Variants in TAF7L observed in about 807,000 individuals in gnomAD.
TAF7L encodes TATA-box binding protein associated factor 7 like.
TAF7L carries 6 observed loss-of-function variants against 30.2 expected under a neutral mutation model. The ratio of observed to expected loss-of-function variants is 0.20; its 90% CI spans 0.11 to 0.39. The LOEUF is 0.39. Among genes scored for constraint, TAF7L ranks in the 10% least tolerant of loss-of-function variants. The pLI is 1.00. For synonymous variants in TAF7L, 93 were observed against 94.5 expected (o/e 0.98, Z 0.09); for missense variants, 284 against 277.1 (o/e 1.03, Z -0.18).
At chrX:101,281,865 A>G (rs970880796) in intron 5 of TAF7L, 90 bp from the exon 6 acceptor site, 150 of 870,975 alleles carry the variant, frequency 1.7e-4, no homozygotes, top group Non-Finnish European at 2.3e-4. Context: ...GCTATAAACC[A>G]AAGGGTCATG....
At chrX:101,273,197 G>GTT (rs201051656) in intron 12 of TAF7L, among the ~76,000 whole-genome samples, 2,548 of 112,033 alleles carry the variant, frequency 0.023, 71 homozygotes, top group African/African-American at 0.079. Flanking sequence ...ACCATCCTCT[G>GTT]TTATTAGAGT....
At chrX:101,286,464 A>T (rs1262783284) in intron 3 of TAF7L, 111 bp downstream of exon 3, 6 of 513,094 alleles carry the variant, frequency 1.2e-5, no homozygotes, top group Non-Finnish European at 1.6e-5. Context: ...CAAGTCAGAG[A>T]CCATATTCTA....
rs1170067354 is a variant in TAF7L, at chrX:101,269,124, GCA to G, written c.*67_*68del. 4.0e-6 allele frequency: 4 copies of G among 1,006,527 alleles called. No individual in the cohort carries two copies. Among genetic ancestry groups the G allele is most frequent in the Middle Eastern group, 2.6e-4 (1 of 3,905 alleles). The allele number at this position is 1,006,527 out of a possible 1,213,427, so 82.9% of individuals were successfully genotyped here. A position where few individuals can be genotyped will look rare whatever the true frequency, so the allele number is the denominator to read the frequency against. ...AAGGCAACTGAAGGGACAAAAACGT[GCA>G]CAGTTTCATCCAATCTGCAGTCTGG... On this transcript the variant is annotated 3_prime_UTR_variant, in exon 13 of 13. Coordinates refer to ENST00000356784, the MANE Select transcript of TAF7L (RefSeq NM_001168474.2).
intron 1 of TAF7L, among the ~76,000 whole-genome samples, chrX:101,289,225 A>C (rs977739915): frequency 2.7e-5 from 3 of 111,837 alleles, no homozygotes; most frequent in Non-Finnish European, 5.6e-5. Flanking sequence ...CAAATGACAG[A>C]ATTTCCTTCT....
intron 1 of TAF7L, among the ~76,000 whole-genome samples, chrX:101,288,173 G>A (rs1422759400): frequency 1.9e-5 from 2 of 105,254 alleles, no homozygotes; most frequent in East Asian, 3.0e-4. Flanking sequence ...ACAGAGTCTC[G>A]CTCTGTCGCC....
At chrX:101,269,737 A>T in intron 12 of TAF7L, among the ~76,000 whole-genome samples, 1 of 111,020 alleles carries the variant, frequency 9.0e-6, no homozygotes, top group East Asian at 2.8e-4. Context: ...TGATTCAATT[A>T]CCTCCCACCA....
intron 6 of TAF7L, among the ~76,000 whole-genome samples, chrX:101,280,669 C>G (rs775954502): frequency 1.2e-4 from 13 of 112,015 alleles, no homozygotes; most frequent in African/African-American, 3.9e-4. Flanking sequence ...CACACAAAAA[C>G]CTGTTCACAG....
chrX:101,292,630 G>A (rs948262353), upstream of TAF7L, among the ~76,000 whole-genome samples: 1 of 109,736 alleles, frequency 9.1e-6, no homozygotes, highest in Non-Finnish European at 1.9e-5. Context: ...CTCCTCAACA[G>A]AGTCAACATT....
intron 2 of TAF7L, among the ~76,000 whole-genome samples, chrX:101,286,884 C>T (rs1924623342): frequency 8.9e-6 from 1 of 112,121 alleles, no homozygotes; most frequent in South Asian, 3.7e-4. Flanking sequence ...TTTCTCCTAG[C>T]TCTACAATCC....
Position 101,283,559 on chromosome X carries a change from T to A in TAF7L, c.170A>T (p.Glu57Val). 1 of 1,211,505 alleles carries A rather than the reference T, an allele frequency of 8.3e-7. No homozygotes were observed. Among genetic ancestry groups the A allele is most frequent in the Non-Finnish European group, 1.1e-6 (1 of 895,370 alleles). Reference protein sequence around the residue: ...LLPDGRHAVVEVEDVPLAAKL... With the variant: ...LLPDGRHAVVVVEDVPLAAKL... ...AGCAGCTAGTGGGACATCTTCTACT[T>A]CAACAACTGCATGGCGCCCATCAGC... The change falls in exon 4 of 13, where the codon GAA becomes GTA. Residue 57 changes from glutamate (E) to valine (V), a missense_variant. Physicochemically the swap from Glu to Val is moderately radical, Grantham distance 121 (BLOSUM62 -2). Transcript: ENST00000356784.
chrX:101,271,735 C>G (rs1243500797), intron 12 of TAF7L, among the ~76,000 whole-genome samples: 1 of 111,674 alleles, frequency 9.0e-6, no homozygotes, highest in Non-Finnish European at 1.9e-5. Context: ...ATGATGGCCA[C>G]AGTGTCACCA....
chrX:101,282,806 C>G (rs1487784969), intron 4 of TAF7L, among the ~76,000 whole-genome samples: 1 of 111,271 alleles, frequency 9.0e-6, no homozygotes, highest in Non-Finnish European at 1.9e-5. Context: ...CTCTGTCATA[C>G]AGGCTGGAGT....
upstream of TAF7L, chrX:101,292,832 G>A: frequency 3.3e-6 from 4 of 1,211,125 alleles, no homozygotes; most frequent in Non-Finnish European, 4.5e-6. Flanking sequence ...GCAGCAGCCT[G>A]GGCGCTGCTG....
chrX:101,282,853 C>T (rs1924461770), intron 4 of TAF7L, among the ~76,000 whole-genome samples: 1 of 111,135 alleles, frequency 9.0e-6, no homozygotes, highest in Non-Finnish European at 1.9e-5. Flanking sequence ...GCACCCTCGA[C>T]CTCCTGGGCT....
Position 101,276,417 on chromosome X carries a change from T to A in TAF7L, c.803A>T (p.Asp268Val). ...DEDEDEDEDE[D>V]KEEEEEDCSE... is the part of the protein sequence containing the mutation. ...ACAATCTTCCTCCTCCTCTTCTTTG[T>A]CTTCATCTTCATCCTCATCCTCATC... Residue 268 changes from aspartate (D) to valine (V), a missense_variant, in exon 10 of 13, where the codon GAC (aspartate) becomes GTC (valine). Physicochemically the swap from Asp to Val is radical, Grantham distance 152. Coordinates refer to ENST00000356784, the MANE Select transcript of TAF7L (RefSeq NM_001168474.2). 1 of 1,201,252 alleles carries A rather than the reference T, an allele frequency of 8.3e-7. No homozygotes were observed. Among genetic ancestry groups the A allele is most frequent in the Non-Finnish European group, 1.1e-6 (1 of 889,976 alleles).
intron 3 of TAF7L, among the ~76,000 whole-genome samples, chrX:101,285,947 C>A (rs1415102061): frequency 2.7e-5 from 3 of 111,263 alleles, no homozygotes; most frequent in Non-Finnish European, 5.7e-5. Flanking sequence ...CTTTGGGAGG[C>A]CAAGGCAGGC....
chrX:101,286,693 A>G (rs1467641694), intron 2 of TAF7L, 40 bp from the exon 3 acceptor site: 1 of 1,035,923 alleles, frequency 9.7e-7, no homozygotes. Context: ...AGAACTAAAC[A>G]TCTACTTGGC....
upstream of TAF7L, chrX:101,292,720 G>A: frequency 8.7e-7 from 1 of 1,155,646 alleles, no homozygotes; most frequent in Non-Finnish European, 1.2e-6. Context: ...ATTTTGAATC[G>A]AACTAAAAGC....
upstream of TAF7L, among the ~76,000 whole-genome samples, chrX:101,292,225 C>G (rs1199296636): frequency 1.3e-5 from 1 of 77,539 alleles, no homozygotes; most frequent in Non-Finnish European, 2.3e-5. Context: ...GGCGACAGAG[C>G]GAGACTCCGT....
Sources: allele counts gnomAD v4.1 joint callset (sites outside exome capture counted in the v4.1 genomes callset), GRCh38; gene constraint gnomAD v4.1.1; transcripts MANE v1.5; gene names NCBI Gene and HGNC (gene_info 2026-07-23, HGNC 2026-07-21).